The following RAB40C variants were observed in gnomAD, a reference collection of about 807,000 sequenced individuals.
RAB40C encodes the protein ras-related protein Rab-40C.
A neutral mutation model predicts 28.1 loss-of-function variants in RAB40C; 8 were observed. The observed-to-expected ratio is 0.28, with a 90% confidence interval of 0.17 to 0.51. The LOEUF (loss-of-function observed/expected upper bound fraction) is 0.51, where lower values mean the gene tolerates loss of function less well. RAB40C is among the 20% of genes least tolerant of loss of function. The probability of loss-of-function intolerance (pLI) is 0.97; values close to 1 mark genes in which losing one functional copy is unlikely to be tolerated. For missense variants in RAB40C, 288 were observed against 405.9 expected, an observed-to-expected ratio of 0.71 and a Z score of 2.50; for synonymous variants, 201 against 171.7, an observed-to-expected ratio of 1.17 and a Z score of -1.34.
intron 1 of RAB40C, among the ~76,000 whole-genome samples, chr16:603,443 C>A (rs949509243): frequency 6.6e-6 from 1 of 152,028 alleles, no homozygotes; most frequent in Non-Finnish European, 1.5e-5. Context: ...TGCGGAGCGC[C>A]GGCCCCGCAC....
Position 610,224 on chromosome 16 carries a change from C to T in RAB40C, c.143-6984C>T, listed in dbSNP as rs987255591. Reference sequence around the variant, plus strand: ...TGTTCTGACCTCCCTGCCTCTGTCCCCTGAGGTCAGAGCGCCTGTCCTGTG... The same window carrying T: ...TGTTCTGACCTCCCTGCCTCTGTCCTCTGAGGTCAGAGCGCCTGTCCTGTG... On this transcript the variant is annotated intron_variant, in intron 1 of 5. Transcript: ENST00000248139. The surrounding 1 kb of genome is among the most constrained non-coding windows in gnomAD (Gnocchi z 4.6). 1.3e-5 allele frequency among the ~76,000 whole-genome samples: 2 copies of T among 152,164 alleles called. No individual in the cohort carries two copies. The highest frequency in any genetic ancestry group is 2.9e-5 in the Non-Finnish European group (2 of 68,020).
chr16:592,564 C>T (rs1418160530), intron 1 of RAB40C, among the ~76,000 whole-genome samples: 1 of 152,268 alleles, frequency 6.6e-6, no homozygotes, highest in African/African-American at 2.4e-5. Flanking sequence ...TTGACAGTGA[C>T]TGCCCCAGAA....
chr16:624,104 C>T, intron 3 of RAB40C: 7 of 985,462 alleles, frequency 7.1e-6, no homozygotes, highest in Non-Finnish European at 8.4e-6. Context: ...TGAGGCTGGA[C>T]ATTTAATTTG....
chr16:590,473 C>T, intron 1 of RAB40C, 40 bp downstream of exon 1: 1 of 1,492,958 alleles, frequency 6.7e-7, no homozygotes, highest in Admixed American at 2.5e-5. Context: ...ACGCGGGGCC[C>T]GAGCCCGGCG....
intron 1 of RAB40C, among the ~76,000 whole-genome samples, chr16:592,458 C>A (rs2036021027): frequency 6.6e-6 from 1 of 152,152 alleles, no homozygotes; most frequent in South Asian, 2.1e-4. Flanking sequence ...AGGAAGAGCT[C>A]TGTGTCCATT....
intron 1 of RAB40C, among the ~76,000 whole-genome samples, chr16:590,644 G>A (rs771378762): frequency 4.2e-4 from 64 of 152,364 alleles, no homozygotes; most frequent in Non-Finnish European, 3.5e-4. Context: ...CGGACCAGAG[G>A]GACGCGCCCA....
At chr16:604,792 G>A (rs1309108581) in intron 1 of RAB40C, among the ~76,000 whole-genome samples, 2 of 152,190 alleles carry the variant, frequency 1.3e-5, no homozygotes, top group East Asian at 3.9e-4. Context: ...GGGTGTGGTG[G>A]CTCATGCCTG....
intron 1 of RAB40C, among the ~76,000 whole-genome samples, chr16:598,246 C>T (rs1485243604): frequency 5.9e-5 from 9 of 151,896 alleles, no homozygotes; most frequent in African/African-American, 4.8e-5. Context: ...GGCATGGTGG[C>T]GGGCACCTGT....
Position 625,967 on chromosome 16 carries a change from GA to G in RAB40C, c.412del (p.Thr138ArgfsTer13). 6.2e-7 allele frequency: 1 copy of G among 1,613,056 alleles called. No individual in the cohort carries two copies. Among genetic ancestry groups the G allele is most frequent in the Non-Finnish European group, 8.5e-7 (1 of 1,179,976 alleles). ...ACCTGGCCTTCAAGCGGCAGGTCCC[GA>G]CGGAGCAGGCCCGCGCGTACGCAGA... Reference protein sequence around the residue: ...LHLAFKRQVPTEQARAYAEKN... With the variant: ...LHLAFKRQVPXEQARAYAEKN... On this transcript the variant is annotated frameshift_variant, in exon 5 of 6. Transcript: ENST00000248139. LOFTEE classifies it high-confidence loss of function.
chr16:600,122 A>G lies in RAB40C; in HGVS notation c.142+9689A>G, dbSNP rs113843749. On this transcript the variant is annotated intron_variant, in intron 1 of 5. Coordinates refer to ENST00000248139, the MANE Select transcript of RAB40C (RefSeq NM_021168.5). ...CTTTCCTGTTTGGTTTGGGACTCCC[A>G]TGGCCCCCTTGATGTTGGAGCCTCT... Among the ~76,000 whole-genome samples the G allele has an allele frequency of 3.4e-3, 511 of 152,272 alleles. 5 individuals are homozygous for G. The highest frequency in any genetic ancestry group is 0.011 in the African/African-American group (459 of 41,542).
intron 1 of RAB40C, among the ~76,000 whole-genome samples, chr16:595,818 G>A (rs1308764752): frequency 6.6e-6 from 1 of 152,108 alleles, no homozygotes; most frequent in Non-Finnish European, 1.5e-5. Context: ...GGCCAGGCTG[G>A]TCTTGAACTG....
At chr16:590,691 G>A (rs1011029904) in intron 1 of RAB40C, among the ~76,000 whole-genome samples, 1 of 152,210 alleles carries the variant, frequency 6.6e-6, no homozygotes, top group African/African-American at 2.4e-5. Context: ...TCTGGGGGAC[G>A]GTGTCACGGG....
intron 1 of RAB40C, among the ~76,000 whole-genome samples, chr16:594,881 G>A (rs1401055118): frequency 4.0e-5 from 6 of 150,204 alleles, no homozygotes; most frequent in South Asian, 2.1e-4. Context: ...GTGCAGTGGC[G>A]CGATCTCGGC....
intron 1 of RAB40C, chr16:596,495 G>T (rs1415471821): frequency 2.3e-5 from 8 of 341,042 alleles, no homozygotes; most frequent in Non-Finnish European, 4.6e-5. Context: ...CAGGGGCCAC[G>T]TCAGCCAGGG....
chr16:599,364 C>T (rs1444545977), intron 1 of RAB40C, among the ~76,000 whole-genome samples: 1 of 152,248 alleles, frequency 6.6e-6, no homozygotes, highest in Non-Finnish European at 1.5e-5. Flanking sequence ...CAGAGTCTTG[C>T]GCCCACCTGA....
In RAB40C at chr16:594,818, CT is replaced by C. The variant is rs1006905623; in HGVS notation, c.142+4405del. On this transcript the variant is annotated intron_variant, in intron 1 of 5. Coordinates refer to ENST00000248139, the MANE Select transcript of RAB40C (RefSeq NM_021168.5). ...ACTTGATTAGGTTTTGCTCGTCTTCCTTTTTTTTTTTTTTTTTTTTAGACGA... is the reference window on the plus strand; with the variant it reads ...ACTTGATTAGGTTTTGCTCGTCTTCCTTTTTTTTTTTTTTTTTTTAGACGA... 3.0e-3 allele frequency among the ~76,000 whole-genome samples: 392 copies of C among 130,306 alleles called. 2 individuals carry two copies. Among genetic ancestry groups the C allele is most frequent in the African/African-American group, 5.5e-3 (194 of 35,132 alleles). The allele number at this position is 130,306 out of a possible 152,430, so 85.5% of individuals were successfully genotyped here.
intron 3 of RAB40C, among the ~76,000 whole-genome samples, chr16:623,009 C>G (rs1017643071): frequency 1.3e-5 from 2 of 152,126 alleles, no homozygotes; most frequent in Non-Finnish European, 2.9e-5. Flanking sequence ...CTGTGACCCA[C>G]GCCGGAGCAA....
intron 1 of RAB40C, among the ~76,000 whole-genome samples, chr16:607,646 G>T (rs937256740): frequency 6.8e-6 from 1 of 146,074 alleles, no homozygotes; most frequent in African/African-American, 2.5e-5. Context: ...AAAAAATTAG[G>T]CAGGCGCGGT....
intron 1 of RAB40C, among the ~76,000 whole-genome samples, chr16:608,179 C>G (rs747777372): frequency 6.6e-5 from 10 of 152,192 alleles, no homozygotes; most frequent in Non-Finnish European, 1.5e-4. Context: ...GCGGAAGGTA[C>G]CTCACACAGG....
Sources: allele counts gnomAD v4.1 joint callset (sites outside exome capture counted in the v4.1 genomes callset), GRCh38; gene constraint gnomAD v4.1.1; non-coding constraint Gnocchi (gnomAD v3.1); transcripts MANE v1.5; gene names NCBI Gene and HGNC (gene_info 2026-07-23, HGNC 2026-07-21).